The following RBM26 variants were observed in gnomAD, a reference collection of about 807,000 sequenced individuals.
The protein encoded by RBM26 is RNA binding motif protein 26.
Under a neutral mutation model 123.6 loss-of-function variants are expected in RBM26, and 30 were observed. The observed-to-expected ratio is 0.24, with a 90% CI of 0.18 to 0.33. The LOEUF (loss-of-function observed/expected upper bound fraction) is 0.33. RBM26 is among the 10% of genes least tolerant of loss of function. RBM26 has a pLI of 1.00. For synonymous variants in RBM26, 400 were observed against 404.4 expected (o/e 0.99, Z 0.13); for missense variants, 947 against 1,203.6 (o/e 0.79, Z 3.15).
downstream of RBM26, among the ~76,000 whole-genome samples, chr13:79,316,121 T>C (rs370771043): frequency 4.0e-5 from 6 of 151,402 alleles, no homozygotes; most frequent in African/African-American, 1.2e-4. Context: ...ACCAAAAAGT[T>C]AACTAAGCCA....
chr13:79,358,271 T>C lies in RBM26; in HGVS notation c.1689+3A>G, dbSNP rs374885644. ...GATAACAAAACCATTTCATGGCTCTTACCTGTAAGTTAACCAAGGTTCCAA... is the reference window on the plus strand; with the variant it reads ...GATAACAAAACCATTTCATGGCTCTCACCTGTAAGTTAACCAAGGTTCCAA... On this transcript the variant is annotated splice_donor_region_variant and intron_variant, in intron 11 of 21. Coordinates refer to ENST00000438737, the MANE Select transcript of RBM26 (RefSeq NM_001366735.2). 2 of 1,595,674 alleles carry C rather than the reference T, an allele frequency of 1.3e-6. No homozygotes were observed. Among genetic ancestry groups the C allele is most frequent in the African/African-American group, 1.4e-5 (1 of 73,630 alleles).
At chr13:79,356,603 TTATAAC>T (rs1424777282) in intron 11 of RBM26, among the ~76,000 whole-genome samples, 3 of 152,158 alleles carry the variant, frequency 2.0e-5, no homozygotes, top group Non-Finnish European at 4.4e-5. Flanking sequence ...TAAACATTAA[TTATAAC>T]TATAAAGATA....
chr13:79,365,679 C>T lies in RBM26; in HGVS notation c.1316G>A (p.Ser439Asn). ...CATAGGTCTGGAAGTGTTTGTTATG[C>T]TTGGGGCTTCAGGATTGTAGCCATC... The part of the protein sequence containing the change: ...DTDGYNPEAP[S>N]ITNTSRPMYR... The change falls in exon 9 of 22, where the codon AGC becomes AAC. Residue 439 changes from serine to asparagine, a missense_variant. This residue lies in a region of RBM26 where 493 missense variants were observed against 563.1 expected (regional missense o/e 0.88). Transcript: ENST00000438737. The T allele has an allele frequency of 6.2e-7, 1 of 1,613,806 alleles. No homozygotes were observed. Among genetic ancestry groups the T allele is most frequent in the Non-Finnish European group, 8.5e-7 (1 of 1,179,826 alleles).
chr13:79,387,456 C>CA (rs528989259), intron 1 of RBM26, among the ~76,000 whole-genome samples: 2 of 151,776 alleles, frequency 1.3e-5, no homozygotes, highest in Non-Finnish European at 2.9e-5. Context: ...AACTGTACTC[C>CA]AAAAAACAAT....
intron 1 of RBM26, among the ~76,000 whole-genome samples, chr13:79,385,464 T>C (rs1304660416): frequency 1.3e-5 from 2 of 152,158 alleles, no homozygotes; most frequent in African/African-American, 2.4e-5. Flanking sequence ...TACATGTAAT[T>C]ATAACACTGA....
At chr13:79,357,560 G>A (rs1594278107) in intron 11 of RBM26, among the ~76,000 whole-genome samples, 1 of 151,962 alleles carries the variant, frequency 6.6e-6, no homozygotes, top group East Asian at 1.9e-4. Flanking sequence ...ATTCAAAAGT[G>A]GTAAAGAAAA....
Position 79,319,809 on chromosome 13 carries a change from T to C in RBM26, c.*812A>G, listed in dbSNP as rs777303624. The C allele has an allele frequency of 3.9e-5, 38 of 979,024 alleles. No individual in the cohort carries two copies. Among genetic ancestry groups the C allele is most frequent in the Non-Finnish European group, 4.4e-5 (36 of 824,480 alleles). 60.6% of individuals were successfully genotyped at this position (979,024 alleles called of 1,614,324 possible). A position where few individuals can be genotyped will look rare whatever the true frequency, so the allele number is the denominator to read the frequency against. On this transcript the variant is annotated 3_prime_UTR_variant, in exon 22 of 22. Coordinates refer to ENST00000438737, the MANE Select transcript of RBM26 (RefSeq NM_001366735.2). ...GTAAGGGTACCAGTAACCATTATTA[T>C]TAAGAATAAGTTAGTGATTATAGCT...
chr13:79,332,021 TC>T (rs1200590024), intron 20 of RBM26, among the ~76,000 whole-genome samples: 1 of 152,228 alleles, frequency 6.6e-6, no homozygotes, highest in African/African-American at 2.4e-5. Flanking sequence ...GGAAAACTTC[TC>T]ACTTTTCAGT....
At chr13:79,368,665 A>G (rs2075582656) in intron 6 of RBM26, 65 bp downstream of exon 6, 2 of 1,488,330 alleles carry the variant, frequency 1.3e-6, no homozygotes, top group Non-Finnish European at 1.8e-6. Flanking sequence ...TGTACAACAT[A>G]AACACAGAAT....
chr13:79,312,716 C>G (rs1452369490), exon 5 of RBM26: 4 of 151,674 alleles, frequency 2.6e-5, no homozygotes, highest in African/African-American at 9.7e-5. Context: ...TAAGGGCATT[C>G]TGCATCATAT....
At chr13:79,353,039 T>C (rs764169027) in intron 14 of RBM26, 114 bp downstream of exon 14, 122 of 534,350 alleles carry the variant, frequency 2.3e-4, no homozygotes, top group Middle Eastern at 2.9e-4. Context: ...TAGGAAAAGA[T>C]ACAGATACTA....
chr13:79,346,971 TTTTAA>T (rs1365671480), intron 14 of RBM26, among the ~76,000 whole-genome samples: 3 of 152,204 alleles, frequency 2.0e-5, no homozygotes, highest in African/African-American at 7.2e-5. Context: ...ATTTTCCAGT[TTTTAA>T]TTTATATTAT....
intron 3 of RBM26, among the ~76,000 whole-genome samples, chr13:79,375,066 T>C (rs984733088): frequency 1.5e-5 from 2 of 130,772 alleles, no homozygotes; most frequent in African/African-American, 5.5e-5. Context: ...TATATTTTTA[T>C]ATATTTATAT....
chr13:79,326,614 T>C (rs2068452455), intron 20 of RBM26, among the ~76,000 whole-genome samples: 1 of 152,202 alleles, frequency 6.6e-6, no homozygotes, highest in South Asian at 2.1e-4. Context: ...AAATCATTTC[T>C]ACAAAACAGC....
intron 14 of RBM26, among the ~76,000 whole-genome samples, chr13:79,348,116 TG>T (rs2072627921): frequency 6.6e-6 from 1 of 152,120 alleles, no homozygotes; most frequent in African/African-American, 2.4e-5. Flanking sequence ...AAATACTACC[TG>T]GCCATGAATG....
At chr13:79,372,388 TTA>T (rs1377877936) in intron 3 of RBM26, among the ~76,000 whole-genome samples, 1 of 152,124 alleles carries the variant, frequency 6.6e-6, no homozygotes. Context: ...AACATTAAAA[TTA>T]GTTTATATAA....
intron 20 of RBM26, among the ~76,000 whole-genome samples, chr13:79,332,520 A>G (rs556007101): frequency 7.2e-5 from 11 of 152,282 alleles, no homozygotes; most frequent in African/African-American, 2.6e-4. Flanking sequence ...TTTCTGGCTT[A>G]AGGATATGCT....
chr13:79,338,880 T>C (rs532126405), intron 18 of RBM26, among the ~76,000 whole-genome samples: 266 of 152,272 alleles, frequency 1.7e-3, no homozygotes, highest in African/African-American at 6.1e-3. Flanking sequence ...GATAATTAAT[T>C]AGATATAGAT....
intron 5 of RBM26, 66 bp from the exon 6 acceptor site, chr13:79,369,056 AG>A: frequency 2.0e-6 from 2 of 1,013,346 alleles, no homozygotes; most frequent in Non-Finnish European, 2.7e-6. Flanking sequence ...CCCAGATCTA[AG>A]AAATAGTGAT....
Sources: gnomAD v4.1 joint callset for allele counts (sites outside exome capture counted in the v4.1 genomes callset) on GRCh38, gnomAD v4.1.1 for gene constraint, gnomAD v4.1.1 regional missense constraint, MANE v1.5 for transcripts, NCBI Gene and HGNC (gene_info 2026-07-23, HGNC 2026-07-21) for gene names.